The following PDE1C variants were observed in gnomAD, a reference collection of about 807,000 sequenced individuals.
The protein encoded by PDE1C is dual specificity calcium/calmodulin-dependent 3',5'-cyclic nucleotide phosphodiesterase 1C.
PDE1C carries 62 observed loss-of-function variants against 93.1 expected under a neutral mutation model. That is an observed-to-expected ratio of 0.67 (90% CI 0.54 to 0.82). The LOEUF is 0.82. Ranked by LOEUF, PDE1C falls within the 40% of genes least tolerant of loss-of-function variation. The pLI, the probability that PDE1C is intolerant of heterozygous loss-of-function variation, is 0.00. For missense variants in PDE1C, 742 were observed against 884.6 expected, an observed-to-expected ratio of 0.84 and a Z score of 2.04; for synonymous variants, 325 against 310.1, an observed-to-expected ratio of 1.05 and a Z score of -0.50.
intron 2 of PDE1C, among the ~76,000 whole-genome samples, chr7:32,171,516 AATT>A (rs1178364370): frequency 1.3e-5 from 2 of 149,098 alleles, no homozygotes; most frequent in South Asian, 2.1e-4. Flanking sequence ...ATTAAAATTA[AATT>A]ATTAAAATTA....
At chr7:31,951,535 G>A (rs973883582) in intron 2 of PDE1C, among the ~76,000 whole-genome samples, 2 of 152,180 alleles carry the variant, frequency 1.3e-5, no homozygotes, top group Admixed American at 1.3e-4. Context: ...AGATGGTGAA[G>A]CTAGTTCTTG....
chr7:32,164,404 T>C (rs1802097657), intron 3 of PDE1C, among the ~76,000 whole-genome samples: 1 of 152,212 alleles, frequency 6.6e-6, no homozygotes, highest in Non-Finnish European at 1.5e-5. Context: ...CTCAAATTAG[T>C]ATAACCAATC....
chr7:32,085,466 C>G (rs955417426), intron 3 of PDE1C, among the ~76,000 whole-genome samples: 17 of 149,258 alleles, frequency 1.1e-4, no homozygotes, highest in African/African-American at 4.2e-4. Context: ...CTATTCCAAT[C>G]AATAGAAAAA....
chr7:31,763,383 A>G (rs371700185), intron 17 of PDE1C, among the ~76,000 whole-genome samples: 1 of 152,120 alleles, frequency 6.6e-6, no homozygotes, highest in Non-Finnish European at 1.5e-5. Context: ...TAGATCTAAG[A>G]CAGGATCTTA....
chr7:32,165,532 T>C (rs1584887522), intron 3 of PDE1C, among the ~76,000 whole-genome samples: 1 of 152,048 alleles, frequency 6.6e-6, no homozygotes, highest in African/African-American at 2.4e-5. Context: ...GAAGAGGAAG[T>C]AAGGACCTTC....
At chr7:32,301,473 T>TAAAA (rs952701583), upstream of PDE1C, among the ~76,000 whole-genome samples, 1 of 152,180 alleles carries the variant, frequency 6.6e-6, no homozygotes, top group Non-Finnish European at 1.5e-5. Context: ...TAAAGTCTGG[T>TAAAA]AAAAATAACT....
chr7:31,893,801 C>T (rs910359588), intron 2 of PDE1C, among the ~76,000 whole-genome samples: 1 of 152,032 alleles, frequency 6.6e-6, no homozygotes. Flanking sequence ...CCAAACAACC[C>T]CTCATTGTTC....
At position 31,870,487 on chromosome 7, in the gene PDE1C, A is replaced by C. The variant is rs145482226; in HGVS notation, c.609+2805T>G. Among the ~76,000 whole-genome samples the C allele has an allele frequency of 1.3e-3, 197 of 152,166 alleles. 5 individuals are homozygous for C. Among genetic ancestry groups the C allele is most frequent in the African/African-American group, 4.6e-3 (190 of 41,566 alleles). On this transcript the variant is annotated intron_variant, in intron 6 of 17. Transcript: ENST00000396191. ...CTATTATGAACAACTATGTACTAAC[A>C]AACTGGAAAACTTAGAGGAAATGGA...
At position 32,205,120 on chromosome 7, in the gene PDE1C, T is replaced by C. The variant is rs776221561; in HGVS notation, c.136+4369A>G. 1.4e-4 allele frequency among the ~76,000 whole-genome samples: 22 copies of C among 152,318 alleles called. 1 individual carries two copies. In the South Asian group the frequency reaches 4.6e-3, roughly 32 times the overall value. On this transcript the variant is annotated intron_variant, in intron 2 of 18. Transcript: ENST00000396193. ...GCTTCATATAATGAATTCCAGGTTA[T>C]CAGGGCCAATATCCACCTCTGCTGC...
At chr7:32,139,488 G>A (rs1191060345) in intron 3 of PDE1C, among the ~76,000 whole-genome samples, 1 of 152,044 alleles carries the variant, frequency 6.6e-6, no homozygotes, top group Non-Finnish European at 1.5e-5. Context: ...CCAATAGCCA[G>A]CCTCATGAGT....
chr7:32,056,144 C>T (rs1273175219), intron 1 of PDE1C, among the ~76,000 whole-genome samples: 1 of 151,966 alleles, frequency 6.6e-6, no homozygotes, highest in Admixed American at 6.6e-5. Context: ...TAGAGAATGA[C>T]AAAGAGCTGT....
rs530333068 is a variant in PDE1C, at chr7:32,193,715, A to G, written c.136+15774T>C. Among the ~76,000 whole-genome samples, 4 of 152,246 alleles carry G rather than the reference A, an allele frequency of 2.6e-5. No homozygotes were observed. The South Asian group carries it at 8.3e-4, about 32-fold the overall frequency. On this transcript the variant is annotated intron_variant, in intron 2 of 18. Transcript: ENST00000396193. ...TTCTATTTTATGGAAGAGATTATGT[A>G]GAATTGATGTTAAATTTTCTTTAGA...
intron 2 of PDE1C, among the ~76,000 whole-genome samples, chr7:31,920,469 G>A (rs1802469408): frequency 6.6e-6 from 1 of 152,114 alleles, no homozygotes; most frequent in Non-Finnish European, 1.5e-5. Flanking sequence ...GGTTGGGGTG[G>A]CCTGGGGAGA....
chr7:32,224,871 AC>A (rs1807138290), intron 1 of PDE1C, among the ~76,000 whole-genome samples: 1 of 152,156 alleles, frequency 6.6e-6, no homozygotes, highest in East Asian at 1.9e-4. Flanking sequence ...CTTTGATCTT[AC>A]GTTAGAAGAA....
the PDE1C span, among the ~76,000 whole-genome samples, chr7:31,667,524 G>A: frequency 2.0e-5 from 3 of 152,110 alleles, no homozygotes; most frequent in Non-Finnish European, 4.4e-5. Context: ...TGCTATGCTG[G>A]GCACCGTCGT....
At chr7:31,950,559 G>A (rs942364046) in intron 2 of PDE1C, among the ~76,000 whole-genome samples, 1 of 152,178 alleles carries the variant, frequency 6.6e-6, no homozygotes, top group African/African-American at 2.4e-5. Flanking sequence ...TTCAGTATGT[G>A]TGAGTGTGAG....
chr7:31,623,595 G>A, the PDE1C span, among the ~76,000 whole-genome samples: 1 of 149,330 alleles, frequency 6.7e-6, no homozygotes. Flanking sequence ...GGTATTGATG[G>A]GACGTATCTC....
At chr7:32,132,561 G>A (rs940140013) in intron 3 of PDE1C, among the ~76,000 whole-genome samples, 1 of 152,162 alleles carries the variant, frequency 6.6e-6, no homozygotes, top group African/African-American at 2.4e-5. Context: ...AGCTACTCAG[G>A]AGGTTGAGAT....
chr7:31,959,078 TCTCC>T (rs1415795459), intron 2 of PDE1C, among the ~76,000 whole-genome samples: 1 of 152,220 alleles, frequency 6.6e-6, no homozygotes, highest in East Asian at 1.9e-4. Context: ...ATAATCATCA[TCTCC>T]CTCCATTTTA....
Sources: gnomAD v4.1 joint callset for allele counts (sites outside exome capture counted in the v4.1 genomes callset) on GRCh38, gnomAD v4.1.1 for gene constraint, MANE v1.5 for transcripts, NCBI Gene and HGNC (gene_info 2026-07-23, HGNC 2026-07-21) for gene names.